Variants in TRMO observed in about 807,000 individuals in gnomAD.
The protein encoded by TRMO is tRNA methyltransferase O, also known as tRNA (adenine(37)-N6)-methyltransferase.
In TRMO, 30 loss-of-function variants were observed where a neutral mutation model predicts 37.2. The ratio of observed to expected loss-of-function variants is 0.81; its 90% CI spans 0.60 to 1.09. The LOEUF (loss-of-function observed/expected upper bound fraction) is 1.09, where lower values mean the gene tolerates loss of function less well. Among genes scored for constraint, TRMO ranks in the 50% least tolerant of loss-of-function variants. The pLI is 0.00. For synonymous variants in TRMO, 239 were observed against 199.4 expected (o/e 1.20, Z -1.67); for missense variants, 552 against 549.5 (o/e 1.00, Z -0.05).
chr9:97,920,082 G>A (rs1419886701), intron 1 of TRMO, among the ~76,000 whole-genome samples: 1 of 152,166 alleles, frequency 6.6e-6, no homozygotes, highest in African/African-American at 2.4e-5. Context: ...GGGGAATTCT[G>A]GTCTTCTTCT....
Position 97,910,159 on chromosome 9 carries a change from T to C in TRMO, c.867A>G (p.Leu289=). The change falls in exon 4 of 5, where the codon CTA becomes CTG. Residue 289 remains leucine (L), a synonymous_variant. Transcript: ENST00000375119. ...AGACTGCTGCTCCTTCCACTCTTTCTAGCTTCTTGTCTGTACCTTTCTCTG... is the reference window on the plus strand; with the variant it reads ...AGACTGCTGCTCCTTCCACTCTTTCCAGCTTCTTGTCTGTACCTTTCTCTG... The part of the protein sequence containing the change: ...SFSEKGTDKK[L]ERVEGAAVLQ... The C allele has an allele frequency of 6.2e-7, 1 of 1,614,230 alleles. No individual in the cohort carries two copies. Among genetic ancestry groups the C allele is most frequent in the South Asian group, 1.1e-5 (1 of 91,086 alleles).
At position 97,922,473 on chromosome 9, in the gene TRMO, C is replaced by G. The variant is rs777289698; in HGVS notation, c.21G>C (p.Ser7=). Residue 7 remains serine, a synonymous_variant, in exon 1 of 5, where the codon TCG becomes TCC. Transcript: ENST00000375119. MRGLEE[S]GPRPTATPCG... Reference sequence around the variant, plus strand: ...ACGGGGTCGCTGTAGGCCGAGGCCCCGACTCCTCCAAGCCGCGCATGGCTA... The same window carrying G: ...ACGGGGTCGCTGTAGGCCGAGGCCCGGACTCCTCCAAGCCGCGCATGGCTA... 1.1e-5 allele frequency: 17 copies of G among 1,584,806 alleles called. No homozygotes were observed. In the East Asian group the frequency reaches 3.0e-4, roughly 28 times the overall value.
intron 2 of TRMO, among the ~76,000 whole-genome samples, chr9:97,915,298 G>A (rs1454406372): frequency 2.0e-5 from 3 of 152,166 alleles, no homozygotes; most frequent in African/African-American, 7.2e-5. Context: ...TGAGTCTAGA[G>A]CAGGATCTGC....
At chr9:97,913,027 T>C (rs768546306) in intron 3 of TRMO, 35 of 786,584 alleles carry the variant, frequency 4.4e-5, no homozygotes, top group Non-Finnish European at 6.0e-5. Context: ...CATATGTGCA[T>C]GTACAATGAG....
At chr9:97,920,488 G>A (rs1481760213) in intron 1 of TRMO, among the ~76,000 whole-genome samples, 1 of 152,168 alleles carries the variant, frequency 6.6e-6, no homozygotes, top group Admixed American at 6.5e-5. Flanking sequence ...TATAAAACAA[G>A]GGATACTACC....
chr9:97,916,705 C>CTTTTT (rs555924368), intron 1 of TRMO, among the ~76,000 whole-genome samples: 14 of 124,618 alleles, frequency 1.1e-4, no homozygotes, highest in African/African-American at 1.5e-4. Context: ...GTATTTCTTT[C>CTTTTT]TTTTTTTTTT....
intron 4 of TRMO, among the ~76,000 whole-genome samples, chr9:97,907,206 C>T (rs1362481829): frequency 2.6e-5 from 4 of 152,232 alleles, no homozygotes; most frequent in East Asian, 1.9e-4. Context: ...GCCCTGCATA[C>T]GGCACTTGGC....
intron 4 of TRMO, among the ~76,000 whole-genome samples, chr9:97,905,597 T>C (rs977224119): frequency 6.6e-6 from 1 of 150,984 alleles, no homozygotes; most frequent in African/African-American, 2.4e-5. Flanking sequence ...TTATTTTTAA[T>C]ATGGTATGTA....
chr9:97,913,529 TG>T lies in TRMO; in HGVS notation c.280del (p.His94IlefsTer2). 1.9e-6 allele frequency: 3 copies of T among 1,611,080 alleles called. No individual in the cohort carries two copies. ...WILFVFHKNG[H>X]LSCKAKVQPP... is the part of the protein sequence containing the mutation. ...CTGCACTTTTGCCTTACAGCTCAAATGACCATTTTTGTGAAAAACAAACAAA... is the reference window on the plus strand; with the variant it reads ...CTGCACTTTTGCCTTACAGCTCAAATACCATTTTTGTGAAAAACAAACAAA... On this transcript the variant is annotated frameshift_variant, in exon 3 of 5. Coordinates refer to ENST00000375119, the MANE Select transcript of TRMO (RefSeq NM_016481.5). LOFTEE classifies it high-confidence loss of function.
At chr9:97,897,980 C>G in the TRMO span, among the ~76,000 whole-genome samples, 1 of 152,310 alleles carries the variant, frequency 6.6e-6, no homozygotes, top group Admixed American at 6.5e-5. Flanking sequence ...CCTTCTGCCT[C>G]AGCCTCCTGA....
chr9:97,906,841 C>CAAAAAAAAAAAAAAAAAGAA (rs1825876197), intron 4 of TRMO, among the ~76,000 whole-genome samples: 2 of 125,502 alleles, frequency 1.6e-5, no homozygotes, highest in Non-Finnish European at 1.7e-5. Context: ...GACTCCGTCT[C>CAAAAAAAAAAAAAAAAAGAA]AAAAAAAAAA....
At position 97,916,198 on chromosome 9, in the gene TRMO, A is replaced by G. The variant is rs766903317; in HGVS notation, c.217T>C (p.Ser73Pro). ...GAAAACTGTTCTAGGCCCATCAAGG[A>G]ATGTTCAGGATTATTAAAGATCCTC... ...RKRIFNNPEH[S>P]LMGLEQFSHV... is the part of the protein sequence containing the mutation. The change falls in exon 2 of 5, where the codon TCC (serine) becomes CCC (proline). Residue 73 changes from serine to proline, a missense_variant. By Grantham distance (74) the Ser-to-Pro change is moderately conservative. Coordinates refer to ENST00000375119, the MANE Select transcript of TRMO (RefSeq NM_016481.5). 3.7e-6 allele frequency: 6 copies of G among 1,612,112 alleles called. No homozygotes were observed. Among genetic ancestry groups the G allele is most frequent in the Non-Finnish European group, 4.2e-6 (5 of 1,179,272 alleles).
At chr9:97,907,742 C>G (rs1825916161) in intron 4 of TRMO, among the ~76,000 whole-genome samples, 1 of 152,114 alleles carries the variant, frequency 6.6e-6, no homozygotes, top group Admixed American at 6.5e-5. Context: ...GCCTATAAAA[C>G]CCTTAGGTGA....
chr9:97,905,307 C>A (rs1825812455), intron 4 of TRMO, among the ~76,000 whole-genome samples: 1 of 152,196 alleles, frequency 6.6e-6, no homozygotes, highest in African/African-American at 2.4e-5. Context: ...CAAAATGTCA[C>A]TTTTCTATAC....
In TRMO at chr9:97,904,992, T is replaced by C. The variant is rs776198189; in HGVS notation, c.1067A>G (p.Asp356Gly). ...EMDLGQLSSQ[D>G]VGQASFKYFQ... ...ATATTTAAATGACGCCTGACCAACA[T>C]CTGCAATGAAAAAAACACAACTTAA... Residue 356 changes from aspartate (D) to glycine (G), a missense_variant and splice_region_variant, in exon 5 of 5, where the codon GAT (aspartate) becomes GGT (glycine). Physicochemically the swap from Asp to Gly is moderately conservative, Grantham distance 94 (BLOSUM62 -1). Coordinates refer to ENST00000375119, the MANE Select transcript of TRMO (RefSeq NM_016481.5). 1 of 1,610,870 alleles carries C rather than the reference T, an allele frequency of 6.2e-7. No individual in the cohort carries two copies. Among genetic ancestry groups the C allele is most frequent in the Non-Finnish European group, 8.5e-7 (1 of 1,177,536 alleles).
intron 4 of TRMO, among the ~76,000 whole-genome samples, chr9:97,907,376 G>T (rs576561924): frequency 7.2e-5 from 11 of 152,194 alleles, no homozygotes; most frequent in Non-Finnish European, 1.6e-4. Flanking sequence ...CAGTTGGCAT[G>T]TATCTCCAGT....
intron 3 of TRMO, chr9:97,912,857 T>C: frequency 8.2e-7 from 1 of 1,214,454 alleles, no homozygotes; most frequent in Non-Finnish European, 1.1e-6. Flanking sequence ...TAAAACTAGT[T>C]TAAAACTTCT....
Position 97,909,961 on chromosome 9 carries a change from T to C in TRMO, c.1065A>G (p.Gln355=), listed in dbSNP as rs1385192533. 6.6e-7 allele frequency: 1 copy of C among 1,525,416 alleles called. No homozygotes were observed. Among genetic ancestry groups the C allele is most frequent in the Non-Finnish European group, 8.8e-7 (1 of 1,137,610 alleles). The allele number at this position is 1,525,416 out of a possible 1,614,324, so 94.5% of individuals were successfully genotyped here. ...TCAGAATGAAGAAACTGAAGATACC[T>C]TGTGAACTGAGCTGCCCAAGGTCCA... ...AEMDLGQLSS[Q]DVGQASFKYF... is the part of the protein sequence containing the mutation. The change falls in exon 4 of 5, where the codon CAA becomes CAG. Residue 355 remains glutamine, a splice_region_variant and synonymous_variant. Transcript: ENST00000375119.
intron 2 of TRMO, chr9:97,914,141 T>C (rs1826250805): frequency 6.6e-6 from 1 of 152,464 alleles, no homozygotes; most frequent in Non-Finnish European, 1.5e-5. Flanking sequence ...GTTTGCTACA[T>C]ACATAATGGA....
Sources: allele counts gnomAD v4.1 joint callset (sites outside exome capture counted in the v4.1 genomes callset), GRCh38; gene constraint gnomAD v4.1.1; transcripts MANE v1.5; gene names NCBI Gene and HGNC (gene_info 2026-07-23, HGNC 2026-07-21).